The following ZNF577 variants were observed in gnomAD, a reference collection of about 807,000 sequenced individuals.
ZNF577 encodes zinc finger protein 577.
ZNF577 carries 14 observed loss-of-function variants against 13.9 expected under a neutral mutation model. The ratio of observed to expected loss-of-function variants is 1.00; its 90% CI spans 0.66 to 1.57. The LOEUF (loss-of-function observed/expected upper bound fraction) is 1.57. Among genes scored for constraint, ZNF577 ranks in the 40% most tolerant of loss-of-function variants. The pLI is 0.00. For synonymous variants in ZNF577, 203 were observed against 202.9 expected (o/e 1.00, Z 0.00); for missense variants, 555 against 579.2 (o/e 0.96, Z 0.43).
rs1203691273 is a variant in ZNF577 at position 51,824,796 on chromosome 19, T to TTAAAC, written c.*600-13123_*600-13122insGTTTA. The TTAAAC allele has an allele frequency of 6.2e-7, 1 of 1,609,700 alleles. No homozygotes were observed. Among genetic ancestry groups the TTAAAC allele is most frequent in the African/African-American group, 1.3e-5 (1 of 74,662 alleles). On this transcript the variant is annotated intron_variant and NMD_transcript_variant, in intron 9 of 10. Coordinates refer to the ZNF577 transcript ENST00000638827. The surrounding 1 kb of genome is among the most constrained non-coding windows in gnomAD (Gnocchi z 4.7). Reference sequence around the variant, plus strand: ...TGCTTCACCTCCTGAGGAGACGGAGTTACAAGCAATGTGAGGTCGGGGATA... The same window carrying TTAAAC: ...TGCTTCACCTCCTGAGGAGACGGAGTTAAACTACAAGCAATGTGAGGTCGGGGATA...
At chr19:51,827,424 G>A (rs566849103) in intron 9 of ZNF577, among the ~76,000 whole-genome samples, 3 of 152,202 alleles carry the variant, frequency 2.0e-5, no homozygotes, top group Non-Finnish European at 4.4e-5. Flanking sequence ...GAGAATGTAA[G>A]CTATCTGAGG....
At chr19:51,876,150 T>G (rs1261562584) in intron 5 of ZNF577, among the ~76,000 whole-genome samples, 1 of 152,050 alleles carries the variant, frequency 6.6e-6, no homozygotes, top group African/African-American at 2.4e-5. Context: ...AGAAGGCAGG[T>G]GAGATTACAG....
chr19:51,833,073 TGAA>T (rs938800303), intron 9 of ZNF577, among the ~76,000 whole-genome samples: 9 of 152,354 alleles, frequency 5.9e-5, no homozygotes, highest in Admixed American at 1.3e-4. Flanking sequence ...TGGATTTGCT[TGAA>T]GAAGAACTGA....
At chr19:51,825,148 C>G (rs774034054) in intron 9 of ZNF577, 1 of 245,348 alleles carries the variant, frequency 4.1e-6, no homozygotes, top group Non-Finnish European at 8.4e-6. Context: ...AGGGTTCCCA[C>G]TACCCCCTCT....
rs1490442557 is a variant in ZNF577, at chr19:51,874,928, G to A, written c.284-1222C>T. ...AGAATTGAGGATAACTGCTCAGTAT[G>A]TGGCTTAAAACACCTATGTAGGTGC... On this transcript the variant is annotated intron_variant, in intron 5 of 5. Transcript: ENST00000638348. Among the ~76,000 whole-genome samples the A allele has an allele frequency of 2.6e-5, 4 of 152,306 alleles. No individual in the cohort carries two copies. The East Asian group carries it at 7.7e-4, about 29-fold the overall frequency.
At chr19:51,878,983 C>T (rs946617427) in intron 3 of ZNF577, 8 of 154,582 alleles carry the variant, frequency 5.2e-5, no homozygotes, top group African/African-American at 7.2e-5. Flanking sequence ...TACGGCTGGG[C>T]GTGGTGGCTC....
Position 51,851,105 on chromosome 19 carries a change from T to C in ZNF577, c.284-6174A>G, listed in dbSNP as rs541180019. On this transcript the variant is annotated intron_variant and NMD_transcript_variant, in intron 5 of 10. Coordinates refer to the ZNF577 transcript ENST00000638827. The stretch of plus-strand genomic sequence containing the variant: ...ATTTAGAAGAAAGTTAAATCAGAAA[T>C]GGCATAATTACAATCTTTATAAGGT... 7.9e-5 allele frequency among the ~76,000 whole-genome samples: 12 copies of C among 152,286 alleles called. No individual in the cohort carries two copies. The East Asian group carries it at 2.3e-3, about 29-fold the overall frequency.
chr19:51,855,032 A>C (rs1041794732), intron 5 of ZNF577, among the ~76,000 whole-genome samples: 1 of 152,182 alleles, frequency 6.6e-6, no homozygotes, highest in African/African-American at 2.4e-5. Flanking sequence ...TAATCTTTGC[A>C]TATTAAGTCT....
chr19:51,845,789 C>G (rs141450525), intron 5 of ZNF577, among the ~76,000 whole-genome samples: 1 of 152,336 alleles, frequency 6.6e-6, no homozygotes, highest in African/African-American at 2.4e-5. Flanking sequence ...TATGTTGTCA[C>G]CAAGTGACAG....
At chr19:51,829,430 A>G (rs2084249859) in intron 9 of ZNF577, among the ~76,000 whole-genome samples, 1 of 151,556 alleles carries the variant, frequency 6.6e-6, no homozygotes, top group African/African-American at 2.4e-5. Flanking sequence ...TAAGTAAACT[A>G]ACTTATCTAG....
At chr19:51,843,462 A>C (rs1015448363) in intron 6 of ZNF577, 1 of 152,222 alleles carries the variant, frequency 6.6e-6, no homozygotes, top group Non-Finnish European at 1.5e-5. Context: ...GCACTTTGTG[A>C]GTGGAATACA....
At position 51,872,777 on chromosome 19, in the gene ZNF577, G is replaced by C; in HGVS notation, c.1213C>G (p.Gln405Glu). 3 of 1,614,194 alleles carry C rather than the reference G, an allele frequency of 1.9e-6. No homozygotes were observed. Among genetic ancestry groups the C allele is most frequent in the Non-Finnish European group, 2.5e-6 (3 of 1,180,032 alleles). ...HTSLYMSELI[Q>E]EQKTVNTVPI... is the part of the protein sequence containing the mutation. ...ACTGTGTTCACAGTCTTTTGCTCTT[G>C]TATGAGTTCGCTCATGTATAAGGAG... Residue 405 changes from glutamine (Q) to glutamate (E), a missense_variant, in exon 6 of 6, where the codon CAA becomes GAA. Coordinates refer to ENST00000638348, the MANE Select transcript of ZNF577 (RefSeq NM_001370449.1).
chr19:51,881,096 T>C (rs2084854968), intron 1 of ZNF577, among the ~76,000 whole-genome samples: 1 of 152,196 alleles, frequency 6.6e-6, no homozygotes, highest in African/African-American at 2.4e-5. Context: ...ATAGAGTGGA[T>C]GTGAAACAGG....
At chr19:51,849,836 A>T (rs556819589) in intron 5 of ZNF577, among the ~76,000 whole-genome samples, 2 of 152,360 alleles carry the variant, frequency 1.3e-5, no homozygotes, top group East Asian at 3.9e-4. Context: ...ACTGGTGCAG[A>T]TAAACCTATT....
chr19:51,875,762 G>C (rs1344535961), intron 5 of ZNF577, among the ~76,000 whole-genome samples: 2 of 152,146 alleles, frequency 1.3e-5, no homozygotes, highest in Non-Finnish European at 2.9e-5. Flanking sequence ...TGCCCAGAGG[G>C]GAATGAAGCC....
chr19:51,829,642 T>C (rs2084251055), intron 9 of ZNF577, among the ~76,000 whole-genome samples: 1 of 152,196 alleles, frequency 6.6e-6, no homozygotes, highest in African/African-American at 2.4e-5. Flanking sequence ...GATACCAGGC[T>C]CCTGGGTAGC....
At chr19:51,828,734 G>C (rs2084244819) in intron 9 of ZNF577, among the ~76,000 whole-genome samples, 1 of 152,114 alleles carries the variant, frequency 6.6e-6, no homozygotes, top group Non-Finnish European at 1.5e-5. Flanking sequence ...TCCTGTATCA[G>C]GCCTGGTCGG....
At chr19:51,873,980 T>C (rs1180170183) in intron 5 of ZNF577, among the ~76,000 whole-genome samples, 1 of 152,168 alleles carries the variant, frequency 6.6e-6, no homozygotes, top group Non-Finnish European at 1.5e-5. Flanking sequence ...GGCTGGCTTT[T>C]ATAAGATCTC....
chr19:51,829,049 T>C (rs1474365923), intron 9 of ZNF577, among the ~76,000 whole-genome samples: 1 of 152,192 alleles, frequency 6.6e-6, no homozygotes. Flanking sequence ...GGTAGTAGTC[T>C]GGCCTGTACT....
Sources: allele counts gnomAD v4.1 joint callset (sites outside exome capture counted in the v4.1 genomes callset), GRCh38; gene constraint gnomAD v4.1.1; non-coding constraint Gnocchi (gnomAD v3.1); transcripts MANE v1.5; gene names NCBI Gene and HGNC (gene_info 2026-07-23, HGNC 2026-07-21).